PLD5: variants seen among roughly 807,000 people sequenced by gnomAD.
PLD5 encodes inactive phospholipase D5.
In PLD5, 36 loss-of-function variants were observed where a neutral mutation model predicts 61.1. That is an observed-to-expected ratio of 0.59 (90% CI 0.45 to 0.78). The LOEUF is 0.78. Ranked by LOEUF, PLD5 falls within the 30% of genes least tolerant of loss-of-function variation. PLD5 has a pLI of 0.00. For missense variants in PLD5, 515 were observed against 644.4 expected (o/e 0.80, Z 2.17); for synonymous variants, 243 against 242.8 (o/e 1.00, Z -0.01).
intron 5 of PLD5, among the ~76,000 whole-genome samples, chr1:242,194,594 C>CTATCTATG (rs1553321028): frequency 6.4e-3 from 450 of 70,370 alleles, no homozygotes; most frequent in Admixed American, 0.012. Flanking sequence ...ATCTATCTAT[C>CTATCTATG]TATCTATCTA....
At chr1:242,230,174 G>A (rs1043508986) in intron 4 of PLD5, among the ~76,000 whole-genome samples, 22 of 152,166 alleles carry the variant, frequency 1.4e-4, no homozygotes, top group African/African-American at 4.8e-4. Flanking sequence ...CATTAAAGCT[G>A]CGTGTTTATG....
intron 1 of PLD5, among the ~76,000 whole-genome samples, chr1:242,444,160 T>C (rs1572164418): frequency 1.3e-5 from 2 of 152,338 alleles, no homozygotes; most frequent in South Asian, 4.1e-4. Context: ...CTTCATTATA[T>C]TGTTGGTATG....
intron 5 of PLD5, among the ~76,000 whole-genome samples, chr1:242,144,482 G>A (rs942954605): frequency 2.6e-5 from 4 of 152,064 alleles, no homozygotes; most frequent in Non-Finnish European, 5.9e-5. Context: ...GGGTATGTGG[G>A]GATAGAGAAT....
intron 1 of PLD5, among the ~76,000 whole-genome samples, chr1:242,358,347 T>G (rs577960311): frequency 6.6e-6 from 1 of 151,954 alleles, no homozygotes; most frequent in East Asian, 1.9e-4. Context: ...TTATGCATTT[T>G]CAGAGAAAGC....
At chr1:242,141,219 G>C (rs1664138529) in intron 5 of PLD5, among the ~76,000 whole-genome samples, 1 of 152,170 alleles carries the variant, frequency 6.6e-6, no homozygotes, top group Admixed American at 6.5e-5. Context: ...GCTATGGTCA[G>C]AACCTGCTTG....
chr1:242,483,424 A>G (rs1470032951), intron 1 of PLD5, among the ~76,000 whole-genome samples: 1 of 152,228 alleles, frequency 6.6e-6, no homozygotes, highest in Non-Finnish European at 1.5e-5. Context: ...CTCTGATAAA[A>G]CAGACTTTAA....
At chr1:242,305,265 G>A (rs144753672) in intron 2 of PLD5, among the ~76,000 whole-genome samples, 52 of 152,332 alleles carry the variant, frequency 3.4e-4, no homozygotes, top group African/African-American at 1.1e-3. Flanking sequence ...CCTGATTGCT[G>A]TGTGTTCCAG....
At chr1:242,252,421 A>G (rs1024613023) in intron 4 of PLD5, among the ~76,000 whole-genome samples, 5 of 152,206 alleles carry the variant, frequency 3.3e-5, no homozygotes, top group African/African-American at 4.8e-5. Flanking sequence ...TCAGAAGACA[A>G]TATGTCTCTA....
intron 1 of PLD5, among the ~76,000 whole-genome samples, chr1:242,476,614 G>T (rs1295051735): frequency 1.3e-5 from 2 of 152,156 alleles, no homozygotes; most frequent in African/African-American, 4.8e-5. Flanking sequence ...ACAGCACTAA[G>T]ATCTACATTT....
intron 5 of PLD5, among the ~76,000 whole-genome samples, chr1:242,144,968 G>A (rs888594000): frequency 6.6e-6 from 1 of 151,974 alleles, no homozygotes; most frequent in African/African-American, 2.4e-5. Context: ...CAAGAATTTG[G>A]GCTCTTACTG....
intron 1 of PLD5, among the ~76,000 whole-genome samples, chr1:242,360,360 T>C (rs1660998944): frequency 6.6e-6 from 1 of 152,210 alleles, no homozygotes; most frequent in Non-Finnish European, 1.5e-5. Context: ...TTATTTTCTT[T>C]GTGGTGGCTT....
intron 1 of PLD5, among the ~76,000 whole-genome samples, chr1:242,381,469 T>C (rs775431023): frequency 4.6e-5 from 7 of 152,058 alleles, no homozygotes; most frequent in Admixed American, 2.0e-4. Flanking sequence ...TGATGGTTGA[T>C]CTGTACAGCA....
intron 4 of PLD5, among the ~76,000 whole-genome samples, chr1:242,225,869 T>C (rs1670909886): frequency 6.6e-6 from 1 of 152,256 alleles, no homozygotes; most frequent in Non-Finnish European, 1.5e-5. Flanking sequence ...AGAATGTAGT[T>C]TTCATTTCAC....
chr1:242,422,849 T>C (rs1338978710), intron 1 of PLD5, among the ~76,000 whole-genome samples: 5 of 17,192 alleles, frequency 2.9e-4, no homozygotes, highest in East Asian at 1.4e-3. Flanking sequence ...TTTCTCTCTT[T>C]TTTTTTTTTT....
At chr1:242,410,493 A>G (rs1664488974) in intron 1 of PLD5, among the ~76,000 whole-genome samples, 1 of 152,198 alleles carries the variant, frequency 6.6e-6, no homozygotes, top group African/African-American at 2.4e-5. Flanking sequence ...ATTAGTTGAC[A>G]TGCTGGAAGA....
intron 1 of PLD5, among the ~76,000 whole-genome samples, chr1:242,369,363 CAG>C (rs1661510013): frequency 6.6e-6 from 1 of 152,002 alleles, no homozygotes. Flanking sequence ...TATTTTGACT[CAG>C]AAATTCTACT....
intron 5 of PLD5, among the ~76,000 whole-genome samples, chr1:242,174,960 G>A (rs1667025369): frequency 6.6e-6 from 1 of 152,248 alleles, no homozygotes; most frequent in African/African-American, 2.4e-5. Context: ...GTTATTGGGT[G>A]CAGCATACCA....
chr1:242,307,551 GCAGA>G (rs1676452670), intron 2 of PLD5, among the ~76,000 whole-genome samples: 13 of 152,238 alleles, frequency 8.5e-5, no homozygotes, highest in African/African-American at 3.1e-4. Flanking sequence ...CAAGTTAGTA[GCAGA>G]ACCAGTTTTT....
At chr1:242,129,598 T>C (rs1898154) in intron 5 of PLD5, among the ~76,000 whole-genome samples, 125,614 of 152,222 alleles carry the variant, frequency 0.83, 52,401 homozygotes, top group African/African-American at 0.95. Context: ...TCTAGATTAT[T>C]AAAGGGAAAA....
Sources: allele counts gnomAD v4.1 joint callset (sites outside exome capture counted in the v4.1 genomes callset), GRCh38; gene constraint gnomAD v4.1.1; transcripts MANE v1.5; gene names NCBI Gene and HGNC (gene_info 2026-07-23, HGNC 2026-07-21).